Variants in CD86 observed in about 807,000 individuals in gnomAD.
CD86 encodes T-lymphocyte activation antigen CD86.
Under a neutral mutation model 32.1 loss-of-function variants are expected in CD86, and 11 were observed. The observed-to-expected ratio is 0.34, with a 90% CI of 0.22 to 0.57. CD86 has a LOEUF of 0.57. Ranked by LOEUF, CD86 falls within the 20% of genes least tolerant of loss-of-function variation. The pLI is 0.86. For missense variants in CD86, 359 were observed against 398.4 expected (o/e 0.90, Z 0.84); for synonymous variants, 137 against 135.3 (o/e 1.01, Z -0.09).
intron 1 of CD86, among the ~76,000 whole-genome samples, chr3:122,075,078 C>T (rs1337109908): frequency 6.6e-6 from 1 of 150,800 alleles, no homozygotes; most frequent in Non-Finnish European, 1.5e-5. Context: ...AAGGGGGTTG[C>T]GATATGACTT....
intron 5 of CD86, among the ~76,000 whole-genome samples, chr3:122,116,584 T>A (rs909806568): frequency 3.9e-5 from 6 of 152,138 alleles, no homozygotes; most frequent in Non-Finnish European, 8.8e-5. Flanking sequence ...TTAAAAAATT[T>A]AAAAATATAT....
At chr3:122,111,675 T>C (rs1160422191) in intron 5 of CD86, among the ~76,000 whole-genome samples, 1 of 152,162 alleles carries the variant, frequency 6.6e-6, no homozygotes, top group East Asian at 1.9e-4. Flanking sequence ...CAGCCAGCCA[T>C]TAAGGAAATT....
At chr3:122,102,816 G>A (rs1309903989) in intron 2 of CD86, among the ~76,000 whole-genome samples, 1 of 152,112 alleles carries the variant, frequency 6.6e-6, no homozygotes, top group Non-Finnish European at 1.5e-5. Context: ...AGAGGTCACT[G>A]AAAATAAAGG....
intron 1 of CD86, among the ~76,000 whole-genome samples, chr3:122,056,228 T>C (rs568508122): frequency 6.6e-6 from 1 of 152,288 alleles, no homozygotes; most frequent in African/African-American, 2.4e-5. Context: ...GCCCGCTTCG[T>C]GGTGCGCCAG....
intron 5 of CD86, among the ~76,000 whole-genome samples, chr3:122,110,782 A>G (rs1020136124): frequency 6.6e-6 from 1 of 152,230 alleles, no homozygotes; most frequent in Non-Finnish European, 1.5e-5. Flanking sequence ...TTTCAAGGTG[A>G]GAGTTTTGAG....
chr3:122,071,101 G>A (rs1045499545), intron 1 of CD86, among the ~76,000 whole-genome samples: 11 of 152,012 alleles, frequency 7.2e-5, no homozygotes, highest in Admixed American at 6.6e-4. Flanking sequence ...TATTTCTTAC[G>A]ATCAAGCCAT....
At chr3:122,107,959 C>G (rs2073117329) in intron 4 of CD86, among the ~76,000 whole-genome samples, 1 of 152,226 alleles carries the variant, frequency 6.6e-6, no homozygotes, top group Admixed American at 6.5e-5. Flanking sequence ...CAGATAGAAG[C>G]CTCTCCAAGC....
chr3:122,077,882 G>A, intron 1 of CD86: 1 of 985,436 alleles, frequency 1.0e-6, no homozygotes, highest in Non-Finnish European at 1.2e-6. Flanking sequence ...CGTCAGTCCT[G>A]GCATTATTTC....
intron 2 of CD86, among the ~76,000 whole-genome samples, chr3:122,102,598 A>T (rs1347794442): frequency 1.3e-5 from 2 of 152,080 alleles, no homozygotes; most frequent in Non-Finnish European, 2.9e-5. Context: ...CTATGGTTGT[A>T]AAATTGTCCA....
At chr3:122,083,719 C>G (rs535092065) in intron 1 of CD86, among the ~76,000 whole-genome samples, 6 of 152,174 alleles carry the variant, frequency 3.9e-5, no homozygotes, top group African/African-American at 1.4e-4. Context: ...TTGGTAGCCA[C>G]TGGTTACCTG....
chr3:122,084,135 C>T (rs986548646), intron 1 of CD86, among the ~76,000 whole-genome samples: 3 of 152,194 alleles, frequency 2.0e-5, no homozygotes, highest in South Asian at 2.1e-4. Context: ...TACAGGTGCC[C>T]GCCACTATGC....
At chr3:122,075,298 A>G (rs1490879042) in intron 1 of CD86, among the ~76,000 whole-genome samples, 1 of 152,186 alleles carries the variant, frequency 6.6e-6, no homozygotes, top group East Asian at 1.9e-4. Flanking sequence ...GACTATCGAC[A>G]TGAGGGGCAG....
chr3:122,091,587 T>G lies in CD86; in HGVS notation c.15-14T>G, dbSNP rs746602029. On this transcript the variant is annotated splice_polypyrimidine_tract_variant and intron_variant, in intron 1 of 6. Coordinates refer to ENST00000330540, the MANE Select transcript of CD86 (RefSeq NM_175862.5). ...TTTCTAATCAAGTTTTACCTTTTTTTTTCTCGACTCTAGCACTATGGGACT... is the reference window on the plus strand; with the variant it reads ...TTTCTAATCAAGTTTTACCTTTTTTGTTCTCGACTCTAGCACTATGGGACT... 12 of 1,605,064 alleles carry G rather than the reference T, an allele frequency of 7.5e-6. No homozygotes were observed. Among genetic ancestry groups the G allele is most frequent in the South Asian group, 1.1e-5 (1 of 90,850 alleles).
In CD86 at chr3:122,103,720, C is replaced by G; in HGVS notation, c.273C>G (p.Asp91Glu). Residue 91 changes from aspartate to glutamate, a missense_variant, in exon 3 of 7, where the codon GAC (aspartate) becomes GAG (glutamate). Transcript: ENST00000330540. The stretch of plus-strand genomic sequence containing the variant: ...TGGGCCGCACAAGTTTTGATTCGGA[C>G]AGTTGGACCCTGAGACTTCACAATC... ...KYMGRTSFDS[D>E]SWTLRLHNLQ... 1 of 1,614,056 alleles carries G rather than the reference C, an allele frequency of 6.2e-7. No homozygotes were observed. The highest frequency in any genetic ancestry group is 8.5e-7 in the Non-Finnish European group (1 of 1,179,936).
At chr3:122,079,684 G>T (rs150528978) in intron 1 of CD86, among the ~76,000 whole-genome samples, 1 of 152,242 alleles carries the variant, frequency 6.6e-6, no homozygotes, top group Non-Finnish European at 1.5e-5. Context: ...TGCTGTTTCC[G>T]AACTGTACAT....
At chr3:122,056,367 G>T (rs780613748) in intron 1 of CD86, among the ~76,000 whole-genome samples, 1 of 152,026 alleles carries the variant, frequency 6.6e-6, no homozygotes, top group African/African-American at 2.4e-5. Flanking sequence ...ACAGAGTCTC[G>T]CTCTGTCGCC....
At chr3:122,081,121 T>C (rs1380690343) in intron 1 of CD86, among the ~76,000 whole-genome samples, 1 of 152,196 alleles carries the variant, frequency 6.6e-6, no homozygotes, top group Non-Finnish European at 1.5e-5. Context: ...AATTCCTTAT[T>C]TGACTTTCCA....
At chr3:122,078,076 A>T in intron 1 of CD86, 1 of 984,926 alleles carries the variant, frequency 1.0e-6, no homozygotes. Context: ...ACGCCTAGGG[A>T]GTGGCATGAG....
At chr3:122,117,912 G>T (rs761427093) in intron 5 of CD86, 136 bp from the exon 6 acceptor site, 67 of 692,716 alleles carry the variant, frequency 9.7e-5, no homozygotes, top group Non-Finnish European at 1.7e-4. Flanking sequence ...TGCATCATTT[G>T]AGTAACTATC....
Sources: gnomAD v4.1 joint callset for allele counts (sites outside exome capture counted in the v4.1 genomes callset) on GRCh38, gnomAD v4.1.1 for gene constraint, MANE v1.5 for transcripts, NCBI Gene and HGNC (gene_info 2026-07-23, HGNC 2026-07-21) for gene names.